Variants in JMJD1C observed in about 807,000 individuals in gnomAD.
JMJD1C encodes jumonji domain containing 1C.
JMJD1C carries 31 observed loss-of-function variants against 245.3 expected under a neutral mutation model. The ratio of observed to expected loss-of-function variants is 0.13; its 90% CI spans 0.09 to 0.17. The LOEUF is 0.17. JMJD1C is among the 10% of genes least tolerant of loss of function. JMJD1C has a pLI of 1.00. For synonymous variants in JMJD1C, 1,057 were observed against 1,017.4 expected (o/e 1.04, Z -0.74); for missense variants, 2,691 against 3,000.2 (o/e 0.90, Z 2.41).
At chr10:63,511,775 C>G (rs1205145939) in intron 1 of JMJD1C, among the ~76,000 whole-genome samples, 1 of 151,872 alleles carries the variant, frequency 6.6e-6, no homozygotes, top group Non-Finnish European at 1.5e-5. Context: ...TATGTAGCAC[C>G]AACGTTTTGT....
chr10:63,429,706 G>A (rs1258067034), intron 1 of JMJD1C, among the ~76,000 whole-genome samples: 4 of 152,098 alleles, frequency 2.6e-5, no homozygotes, highest in Non-Finnish European at 5.9e-5. Context: ...TGAATACTCA[G>A]CACAATCAAA....
At chr10:63,485,029 T>C (rs1229210378) in intron 1 of JMJD1C, among the ~76,000 whole-genome samples, 1 of 151,158 alleles carries the variant, frequency 6.6e-6, no homozygotes, top group African/African-American at 2.4e-5. Context: ...AATCCAGAAA[T>C]AGATGTAAAC....
chr10:63,326,223 G>C (rs559283553), intron 2 of JMJD1C, among the ~76,000 whole-genome samples: 1 of 151,812 alleles, frequency 6.6e-6, no homozygotes, highest in African/African-American at 2.4e-5. Flanking sequence ...GGCCAGACGC[G>C]GTGGCTCACG....
intron 13 of JMJD1C, among the ~76,000 whole-genome samples, chr10:63,195,158 A>C (rs1479609913): frequency 6.6e-6 from 1 of 152,156 alleles, no homozygotes; most frequent in Non-Finnish European, 1.5e-5. Context: ...CTTCAAGACC[A>C]GCCTGGCCAA....
chr10:63,520,911 G>A (rs1406568943), intron 1 of JMJD1C, among the ~76,000 whole-genome samples: 1 of 152,202 alleles, frequency 6.6e-6, no homozygotes, highest in Non-Finnish European at 1.5e-5. Flanking sequence ...GGTAATATAA[G>A]GACGCCTTTG....
chr10:63,209,048 C>A lies in JMJD1C; in HGVS notation c.2867+15G>T. On this transcript the variant is annotated intron_variant, in intron 9 of 25. Transcript: ENST00000399262. ...GAACAAGGTATTTATAATTTTTAAG[C>A]ACTGGTGAACTTACTCCTTATGATG... The A allele has an allele frequency of 6.4e-7, 1 of 1,573,196 alleles. No homozygotes were observed. The highest frequency in any genetic ancestry group is 1.2e-5 in the South Asian group (1 of 84,728).
intron 2 of JMJD1C, among the ~76,000 whole-genome samples, chr10:63,309,138 G>A (rs952400945): frequency 1.3e-5 from 2 of 152,148 alleles, no homozygotes; most frequent in Non-Finnish European, 2.9e-5. Context: ...AAACTACTCA[G>A]AATGTACTCC....
chr10:63,316,164 C>A (rs368415912), intron 2 of JMJD1C, among the ~76,000 whole-genome samples: 3 of 152,182 alleles, frequency 2.0e-5, no homozygotes, highest in South Asian at 4.1e-4. Flanking sequence ...AGAGCAAGAT[C>A]CTGTCTCAAA....
chr10:63,254,190 A>C (rs76460998), intron 3 of JMJD1C, among the ~76,000 whole-genome samples: 5,615 of 152,198 alleles, frequency 0.037, 333 homozygotes, highest in East Asian at 0.29. Context: ...CACAACCAAA[A>C]AAACAAACAA....
intron 1 of JMJD1C, among the ~76,000 whole-genome samples, chr10:63,434,624 C>A (rs1387156271): frequency 6.6e-6 from 1 of 151,918 alleles, no homozygotes; most frequent in African/African-American, 2.4e-5. Context: ...ACGCAGTAAA[C>A]CCTAGCACTT....
chr10:63,226,774 C>G (rs1407714805), intron 3 of JMJD1C, among the ~76,000 whole-genome samples: 1 of 136,454 alleles, frequency 7.3e-6, no homozygotes, highest in Non-Finnish European at 1.6e-5. Flanking sequence ...AGGCTGAAAT[C>G]AGGCCGGGTG....
At chr10:63,373,410 T>C (rs1482045878) in intron 2 of JMJD1C, among the ~76,000 whole-genome samples, 1 of 152,192 alleles carries the variant, frequency 6.6e-6, no homozygotes, top group East Asian at 1.9e-4. Flanking sequence ...TTAAAAAATA[T>C]ACTTTAAAAT....
At chr10:63,311,739 T>C (rs1939226541) in intron 2 of JMJD1C, among the ~76,000 whole-genome samples, 1 of 152,020 alleles carries the variant, frequency 6.6e-6, no homozygotes, top group Admixed American at 6.6e-5. Context: ...AAAGCGCAGA[T>C]GAGAGTAAGA....
At chr10:63,506,496 T>C (rs1954721291) in intron 1 of JMJD1C, among the ~76,000 whole-genome samples, 1 of 152,248 alleles carries the variant, frequency 6.6e-6, no homozygotes, top group Non-Finnish European at 1.5e-5. Context: ...CTGAATTAGC[T>C]GGGATTATAT....
upstream of JMJD1C, among the ~76,000 whole-genome samples, chr10:63,467,237 G>A (rs183041847): frequency 3.7e-3 from 564 of 151,894 alleles, 3 homozygotes; most frequent in Non-Finnish European, 6.3e-3. Context: ...GGCTGGGCAC[G>A]GTGCCTCACG....
chr10:63,346,752 G>T (rs1439318215), intron 2 of JMJD1C, among the ~76,000 whole-genome samples: 1 of 152,110 alleles, frequency 6.6e-6, no homozygotes, highest in Non-Finnish European at 1.5e-5. Context: ...AAATTTGTCT[G>T]AAAGTTTTTC....
At chr10:63,368,136 A>G (rs1946009651) in intron 2 of JMJD1C, among the ~76,000 whole-genome samples, 1 of 152,212 alleles carries the variant, frequency 6.6e-6, no homozygotes, top group African/African-American at 2.4e-5. Flanking sequence ...AGCTTATAGG[A>G]AAACCATCAG....
chr10:63,389,113 C>G (rs1437382433), intron 1 of JMJD1C, among the ~76,000 whole-genome samples: 1 of 152,020 alleles, frequency 6.6e-6, no homozygotes, highest in Admixed American at 6.6e-5. Flanking sequence ...CACCTGAGGT[C>G]AGGAGTTCAA....
intron 1 of JMJD1C, among the ~76,000 whole-genome samples, chr10:63,453,465 T>C (rs529396331): frequency 3.9e-5 from 6 of 152,268 alleles, no homozygotes; most frequent in South Asian, 2.1e-4. Context: ...CAGAAAGATA[T>C]ATGGAATATA....
Sources: gnomAD v4.1 joint callset for allele counts (sites outside exome capture counted in the v4.1 genomes callset) on GRCh38, gnomAD v4.1.1 for gene constraint, MANE v1.5 for transcripts, NCBI Gene and HGNC (gene_info 2026-07-23, HGNC 2026-07-21) for gene names.